CAMSAP2: variants seen among roughly 807,000 people sequenced by gnomAD.
The protein encoded by CAMSAP2 is calmodulin-regulated spectrin-associated protein 2.
A neutral mutation model predicts 146.1 loss-of-function variants in CAMSAP2; 26 were observed. The observed-to-expected ratio is 0.18, with a 90% confidence interval of 0.13 to 0.25. The LOEUF (loss-of-function observed/expected upper bound fraction) is 0.25. Among genes scored for constraint, CAMSAP2 ranks in the 10% least tolerant of loss-of-function variants. CAMSAP2 has a pLI of 1.00. For missense variants in CAMSAP2, 1,381 were observed against 1,759.3 expected (o/e 0.78, Z 3.85); for synonymous variants, 499 against 596.6 (o/e 0.84, Z 2.38).
intron 1 of CAMSAP2, among the ~76,000 whole-genome samples, chr1:200,746,138 A>G (rs2102986380): frequency 6.6e-6 from 1 of 152,372 alleles, no homozygotes; most frequent in East Asian, 1.9e-4. Flanking sequence ...TGGTTAAAAT[A>G]GTAAAGTTTA....
rs552122408 is a variant in CAMSAP2, at chr1:200,789,609, T to A, written c.400-17767T>A. On this transcript the variant is annotated intron_variant, in intron 2 of 16. Transcript: ENST00000358823. ...GTGGGTAGCATCAGTTCTCTAACTT[T>A]ATTCTTCTCCTTCAATATTATTTGC... 5.3e-5 allele frequency among the ~76,000 whole-genome samples: 8 copies of A among 152,332 alleles called. No homozygotes were observed. In the South Asian group the frequency reaches 1.7e-3, roughly 32 times the overall value.
intron 7 of CAMSAP2, among the ~76,000 whole-genome samples, chr1:200,842,585 C>T (rs1667351831): frequency 6.6e-6 from 1 of 152,042 alleles, no homozygotes; most frequent in Non-Finnish European, 1.5e-5. Flanking sequence ...GTAAAGACCC[C>T]TAGATATAAG....
chr1:200,815,134 A>G (rs1388509067), intron 3 of CAMSAP2, among the ~76,000 whole-genome samples: 1 of 152,178 alleles, frequency 6.6e-6, no homozygotes, highest in Non-Finnish European at 1.5e-5. Flanking sequence ...GTCTGAAATC[A>G]TACCTTAAGA....
intron 1 of CAMSAP2, among the ~76,000 whole-genome samples, chr1:200,758,962 A>G (rs780550509): frequency 3.0e-4 from 45 of 152,156 alleles, no homozygotes; most frequent in Non-Finnish European, 6.2e-4. Context: ...ATGGCCATCA[A>G]TATTAAATAC....
At chr1:200,844,436 T>A (rs2102241774) in intron 7 of CAMSAP2, among the ~76,000 whole-genome samples, 1 of 151,986 alleles carries the variant, frequency 6.6e-6, no homozygotes, top group South Asian at 2.1e-4. Context: ...TAGTCCCAGC[T>A]GCTTGGGAGG....
intron 2 of CAMSAP2, among the ~76,000 whole-genome samples, chr1:200,775,345 T>C (rs1242594393): frequency 1.3e-5 from 2 of 152,294 alleles, no homozygotes; most frequent in East Asian, 1.9e-4. Flanking sequence ...GAGAAAAAGA[T>C]TGTAGCCAAA....
chr1:200,772,481 C>T (rs547868131), intron 2 of CAMSAP2, among the ~76,000 whole-genome samples: 3 of 152,056 alleles, frequency 2.0e-5, no homozygotes, highest in African/African-American at 4.8e-5. Flanking sequence ...TGGTGGCATA[C>T]GCCTGTAATC....
intron 7 of CAMSAP2, among the ~76,000 whole-genome samples, chr1:200,844,495 C>G (rs549468072): frequency 3.9e-5 from 6 of 152,012 alleles, no homozygotes; most frequent in Admixed American, 2.0e-4. Context: ...TTGCAGTGAG[C>G]TGAGATCGCG....
In CAMSAP2 at chr1:200,842,044, G is replaced by A. The variant is rs1667335593; in HGVS notation, c.978G>A (p.Val326=). 3 of 1,613,832 alleles carry A rather than the reference G, an allele frequency of 1.9e-6. No individual in the cohort carries two copies. The East Asian group carries it at 6.7e-5, about 36-fold the overall frequency. ...MAELFWWFEV[V]KPSFVQPRVV... is the part of the protein sequence containing the mutation. ...AACTGTTCTGGTGGTTTGAAGTGGTGAAGCCGTCTTTTGTACAGCCTCGTG... is the reference window on the plus strand; with the variant it reads ...AACTGTTCTGGTGGTTTGAAGTGGTAAAGCCGTCTTTTGTACAGCCTCGTG... The change falls in exon 7 of 17, where the codon GTG becomes GTA. Residue 326 remains valine, a synonymous_variant. Transcript: ENST00000358823.
At chr1:200,840,294 T>G (rs2102233171) in intron 6 of CAMSAP2, among the ~76,000 whole-genome samples, 1 of 151,984 alleles carries the variant, frequency 6.6e-6, no homozygotes, top group East Asian at 1.9e-4. Context: ...TTCTTTTTAT[T>G]TTTTTTTAGA....
At chr1:200,806,316 A>G (rs761262523) in intron 2 of CAMSAP2, among the ~76,000 whole-genome samples, 7 of 152,238 alleles carry the variant, frequency 4.6e-5, no homozygotes, top group Non-Finnish European at 8.8e-5. Flanking sequence ...AAAGCACATA[A>G]AAGGATGCTC....
At chr1:200,775,077 G>A (rs1665234068) in intron 2 of CAMSAP2, among the ~76,000 whole-genome samples, 1 of 152,196 alleles carries the variant, frequency 6.6e-6, no homozygotes, top group African/African-American at 2.4e-5. Flanking sequence ...AATTAGTAAG[G>A]AGCTACAAGG....
In CAMSAP2 at chr1:200,849,174, G is replaced by T; in HGVS notation, c.2405G>T (p.Arg802Leu). 6.2e-7 allele frequency: 1 copy of T among 1,613,946 alleles called. No individual in the cohort carries two copies. Residue 802 changes from arginine to leucine, a missense_variant, in exon 11 of 17, where the codon CGA (arginine) becomes CTA (leucine). Arg to Leu is a moderately radical substitution (Grantham distance 102). Coordinates refer to ENST00000358823, the MANE Select transcript of CAMSAP2 (RefSeq NM_203459.4). This position sits in a 1 kb window ranked among gnomAD's most constrained non-coding sequence, Gnocchi z 6.3. The part of the protein sequence containing the change: ...KKKGDGISPL[R>L]EEAAGAEDEK... ...AAAGGGGATGGGATATCTCCTCTAC[G>T]AGAGGAAGCGGCGGGTGCAGAAGAT...
chr1:200,799,690 G>A (rs765272574), intron 2 of CAMSAP2, among the ~76,000 whole-genome samples: 2 of 151,802 alleles, frequency 1.3e-5, no homozygotes, highest in African/African-American at 2.4e-5. Flanking sequence ...TGCTCTGATC[G>A]TAGTTATTTC....
intron 2 of CAMSAP2, among the ~76,000 whole-genome samples, chr1:200,781,314 A>G (rs889346118): frequency 5.9e-5 from 9 of 152,226 alleles, no homozygotes; most frequent in African/African-American, 2.2e-4. Context: ...GAACATAGCT[A>G]TCATTTTTAT....
At chr1:200,751,215 C>A (rs972327206) in intron 1 of CAMSAP2, among the ~76,000 whole-genome samples, 5 of 149,974 alleles carry the variant, frequency 3.3e-5, no homozygotes, top group Non-Finnish European at 7.4e-5. Flanking sequence ...GTATATATAA[C>A]GTGTGTGTGT....
intron 8 of CAMSAP2, 80 bp downstream of exon 8, chr1:200,844,949 TA>T: frequency 1.4e-6 from 1 of 690,566 alleles, no homozygotes; most frequent in Non-Finnish European, 2.3e-6. Flanking sequence ...TTACATTAAA[TA>T]AGGTTTTTAA....
chr1:200,834,356 A>G (rs58732134), intron 6 of CAMSAP2, among the ~76,000 whole-genome samples: 3,892 of 151,864 alleles, frequency 0.026, 175 homozygotes, highest in African/African-American at 0.087. Context: ...GAATAAGACT[A>G]TGTCTCAAAA....
At position 200,859,609 on chromosome 1, in the gene CAMSAP2, AT is replaced by A. The variant is rs1329308233; in HGVS notation, c.*1557del. ...TTAAAACTGTAAAAAAATTTCACAGATTTTTTTCCAATACCTGTGCAAGATA... is the reference window on the plus strand; with the variant it reads ...TTAAAACTGTAAAAAAATTTCACAGATTTTTTCCAATACCTGTGCAAGATA... On this transcript the variant is annotated 3_prime_UTR_variant, in exon 17 of 17. Coordinates refer to ENST00000358823, the MANE Select transcript of CAMSAP2 (RefSeq NM_203459.4). 1.3e-5 allele frequency: 2 copies of A among 152,188 alleles called. No individual in the cohort carries two copies. The highest frequency in any genetic ancestry group is 4.8e-5 in the African/African-American group (2 of 41,416). The allele number at this position is 152,188 out of a possible 1,614,324, so 9.4% of individuals were successfully genotyped here. A position where few individuals can be genotyped will look rare whatever the true frequency, so the allele number is the denominator to read the frequency against.
Sources: allele counts gnomAD v4.1 joint callset (sites outside exome capture counted in the v4.1 genomes callset), GRCh38; gene constraint gnomAD v4.1.1; non-coding constraint Gnocchi (gnomAD v3.1); transcripts MANE v1.5; gene names NCBI Gene and HGNC (gene_info 2026-07-23, HGNC 2026-07-21).